ZFAT: variants seen among roughly 807,000 people sequenced by gnomAD.
ZFAT encodes the protein zinc finger protein ZFAT.
In ZFAT, 64 loss-of-function variants were observed where a neutral mutation model predicts 117.7. That is an observed-to-expected ratio of 0.54 (90% confidence interval 0.44 to 0.67). ZFAT has a LOEUF of 0.67. ZFAT is among the 30% of genes least tolerant of loss of function. The probability of loss-of-function intolerance (pLI) is 0.00; values close to 1 mark genes in which losing one functional copy is unlikely to be tolerated. For missense variants in ZFAT, 1,433 were observed against 1,584.5 expected (o/e 0.90, Z 1.62); for synonymous variants, 679 against 615.0 (o/e 1.10, Z -1.54).
chr8:134,655,369 G>A (rs905593289), intron 2 of ZFAT, among the ~76,000 whole-genome samples: 1 of 152,158 alleles, frequency 6.6e-6, no homozygotes, highest in African/African-American at 2.4e-5. Flanking sequence ...AATGAAAGGC[G>A]GGGTACGGTG....
At chr8:134,819,038 A>G in the ZFAT span, among the ~76,000 whole-genome samples, 3 of 152,226 alleles carry the variant, frequency 2.0e-5, no homozygotes, top group African/African-American at 7.2e-5. Flanking sequence ...ACATTGTAAT[A>G]TATGCCATTT....
intron 11 of ZFAT, among the ~76,000 whole-genome samples, chr8:134,537,099 C>T (rs1333738449): frequency 6.6e-6 from 1 of 152,238 alleles, no homozygotes; most frequent in Non-Finnish European, 1.5e-5. Context: ...TTACTGATAG[C>T]TACTATATGC....
At chr8:134,640,314 G>T (rs1006223742) in intron 2 of ZFAT, among the ~76,000 whole-genome samples, 8 of 152,186 alleles carry the variant, frequency 5.3e-5, no homozygotes, top group Non-Finnish European at 8.8e-5. Context: ...CTTGTGGCTG[G>T]TATCAGGAGT....
At chr8:134,724,432 A>G in the ZFAT span, among the ~76,000 whole-genome samples, 1 of 152,206 alleles carries the variant, frequency 6.6e-6, no homozygotes, top group African/African-American at 2.4e-5. Context: ...AGAAGCTGAG[A>G]AAGAAGGTCC....
At chr8:134,637,317 A>G in intron 3 of ZFAT, 144 bp downstream of exon 3, 1 of 1,058,434 alleles carries the variant, frequency 9.4e-7, no homozygotes, top group Non-Finnish European at 1.4e-6. Flanking sequence ...AGTCATCATT[A>G]GGAAAATAAG....
chr8:134,548,775 G>A (rs1822899330), intron 11 of ZFAT, among the ~76,000 whole-genome samples: 1 of 152,146 alleles, frequency 6.6e-6, no homozygotes, highest in African/African-American at 2.4e-5. Flanking sequence ...GGCACACCAT[G>A]GAAAACATTG....
chr8:134,771,153 A>C, the ZFAT span, among the ~76,000 whole-genome samples: 4 of 152,156 alleles, frequency 2.6e-5, no homozygotes, highest in Non-Finnish European at 4.4e-5. Context: ...CTCTAATAAA[A>C]ACATGCTAGT....
the ZFAT span, among the ~76,000 whole-genome samples, chr8:134,801,921 G>C: frequency 6.6e-6 from 1 of 152,182 alleles, no homozygotes; most frequent in African/African-American, 2.4e-5. Flanking sequence ...GCAGTACTTG[G>C]GAACTGTGGG....
the ZFAT span, among the ~76,000 whole-genome samples, chr8:134,829,916 A>T: frequency 6.6e-6 from 1 of 152,234 alleles, no homozygotes; most frequent in Non-Finnish European, 1.5e-5. Flanking sequence ...ATGTGTGTAT[A>T]GTATTTCAAA....
chr8:134,665,112 G>A (rs1304423395), intron 1 of ZFAT, among the ~76,000 whole-genome samples: 1 of 152,200 alleles, frequency 6.6e-6, no homozygotes, highest in Non-Finnish European at 1.5e-5. Context: ...TGGGACCTTG[G>A]GACAAGCAAG....
intron 1 of ZFAT, among the ~76,000 whole-genome samples, chr8:134,672,044 C>T (rs547455829): frequency 2.4e-4 from 36 of 152,326 alleles, no homozygotes; most frequent in African/African-American, 8.4e-4. Flanking sequence ...ATACAACTTA[C>T]AAGGGATGTG....
At chr8:134,769,212 C>G in the ZFAT span, among the ~76,000 whole-genome samples, 12 of 152,154 alleles carry the variant, frequency 7.9e-5, no homozygotes, top group African/African-American at 2.9e-4. Context: ...AGTCCAAAGT[C>G]TCATCCAAGA....
intron 11 of ZFAT, among the ~76,000 whole-genome samples, chr8:134,548,990 C>T (rs981606392): frequency 6.6e-6 from 1 of 152,208 alleles, no homozygotes; most frequent in Non-Finnish European, 1.5e-5. Flanking sequence ...GTTAACTGTG[C>T]CCACGAGAAA....
In ZFAT at chr8:134,602,513, C is replaced by T; in HGVS notation, c.1206G>A (p.Leu402=). The change falls in exon 6 of 16, where the codon CTG becomes CTA. Residue 402 remains leucine, a synonymous_variant. Coordinates refer to ENST00000377838, the MANE Select transcript of ZFAT (RefSeq NM_020863.4). The stretch of plus-strand genomic sequence containing the variant: ...GCTCACAGATGTGGCAGTCATAGAG[C>T]AGCTGCCGCTTGCCCTCCCTCGTCA... The part of the protein sequence containing the change: ...CLMTREGKRQ[L]LYDCHICERK... 3 of 1,613,922 alleles carry T rather than the reference C, an allele frequency of 1.9e-6. No homozygotes were observed. The highest frequency in any genetic ancestry group is 2.5e-6 in the Non-Finnish European group (3 of 1,180,034).
the ZFAT span, among the ~76,000 whole-genome samples, chr8:134,821,335 C>CA: frequency 1.3e-5 from 2 of 151,670 alleles, no homozygotes; most frequent in Non-Finnish European, 2.9e-5. Context: ...ATGTGGCTGC[C>CA]AAAAAAATGC....
the ZFAT span, among the ~76,000 whole-genome samples, chr8:134,817,993 TAACTC>T: frequency 6.6e-6 from 1 of 152,136 alleles, no homozygotes; most frequent in Non-Finnish European, 1.5e-5. Flanking sequence ...ACTCAAAACT[TAACTC>T]AAAATGGATC....
the ZFAT span, among the ~76,000 whole-genome samples, chr8:134,812,972 C>T: frequency 1.3e-5 from 2 of 152,138 alleles, no homozygotes; most frequent in Non-Finnish European, 2.9e-5. Context: ...GGCTTCAGAG[C>T]CTACTCTCTT....
intron 11 of ZFAT, among the ~76,000 whole-genome samples, chr8:134,552,219 T>C (rs988839171): frequency 5.9e-5 from 9 of 152,104 alleles, no homozygotes; most frequent in Non-Finnish European, 8.8e-5. Context: ...CCTGTCATGG[T>C]GCCTGACACA....
At chr8:134,615,897 C>T (rs923214977) in intron 3 of ZFAT, among the ~76,000 whole-genome samples, 1 of 152,228 alleles carries the variant, frequency 6.6e-6, no homozygotes, top group African/African-American at 2.4e-5. Context: ...CTTAACTGAT[C>T]CCTTGAGCCC....
Sources: allele counts gnomAD v4.1 joint callset (sites outside exome capture counted in the v4.1 genomes callset), GRCh38; gene constraint gnomAD v4.1.1; transcripts MANE v1.5; gene names NCBI Gene and HGNC (gene_info 2026-07-23, HGNC 2026-07-21).